The following SMARCA2 variants were observed in gnomAD, a reference collection of about 807,000 sequenced individuals.
SMARCA2 encodes SWI/SNF related BAF chromatin remodeling complex subunit ATPase 2, also known as SWI/SNF-related matrix-associated actin-dependent regulator of chromatin subfamily A member 2.
SMARCA2 carries 61 observed loss-of-function variants against 199.8 expected under a neutral mutation model. The ratio of observed to expected loss-of-function variants is 0.31; its 90% CI spans 0.25 to 0.38. The LOEUF is 0.38. Among genes scored for constraint, SMARCA2 ranks in the 10% least tolerant of loss-of-function variants. SMARCA2 has a pLI of 1.00. For synonymous variants in SMARCA2, 935 were observed against 732.0 expected, an observed-to-expected ratio of 1.28 and a Z score of -4.48; for missense variants, 1,344 against 2,012.2, an observed-to-expected ratio of 0.67 and a Z score of 6.35.
rs1382618968 is a variant in SMARCA2, at chr9:2,192,905, A to G, written c.*166A>G. 1.7e-6 allele frequency: 1 copy of G among 597,134 alleles called. No individual in the cohort carries two copies. Among genetic ancestry groups the G allele is most frequent in the African/African-American group, 1.9e-5 (1 of 53,310 alleles). The allele number at this position is 597,134 out of a possible 1,614,324, so 37.0% of individuals were successfully genotyped here. A position where few individuals can be genotyped will look rare whatever the true frequency, so the allele number is the denominator to read the frequency against. Reference sequence around the variant, plus strand: ...GACAAACATATGATATCATGGTGTAAAAAACACACACATACACAAATATTT... The same window carrying G: ...GACAAACATATGATATCATGGTGTAGAAAACACACACATACACAAATATTT... On this transcript the variant is annotated 3_prime_UTR_variant, in exon 34 of 34. Coordinates refer to ENST00000349721, the MANE Select transcript of SMARCA2 (RefSeq NM_003070.5).
chr9:2,025,563 A>T (rs1271776359), intron 1 of SMARCA2, among the ~76,000 whole-genome samples: 1 of 151,928 alleles, frequency 6.6e-6, no homozygotes, highest in Non-Finnish European at 1.5e-5. Context: ...TGTCGTCACC[A>T]CCCTATCTCT....
At chr9:2,157,233 G>T (rs1341272836) in intron 27 of SMARCA2, among the ~76,000 whole-genome samples, 1 of 152,184 alleles carries the variant, frequency 6.6e-6, no homozygotes, top group Non-Finnish European at 1.5e-5. Context: ...TGCTTTTCTT[G>T]TTTGGGGGAT....
intron 27 of SMARCA2, chr9:2,159,944 C>G (rs1055481169): frequency 1.0e-5 from 16 of 1,588,150 alleles, no homozygotes; most frequent in Non-Finnish European, 1.4e-5. Context: ...CTTGAAGATT[C>G]AGTAGAACTA....
At chr9:2,183,930 T>C (rs1182031257) in intron 31 of SMARCA2, among the ~76,000 whole-genome samples, 1 of 152,220 alleles carries the variant, frequency 6.6e-6, no homozygotes, top group Non-Finnish European at 1.5e-5. Context: ...ACAACCTTCC[T>C]ATCTGTTTTC....
intron 26 of SMARCA2, among the ~76,000 whole-genome samples, chr9:2,122,650 G>A (rs995309798): frequency 7.2e-5 from 11 of 152,102 alleles, no homozygotes; most frequent in African/African-American, 2.7e-4. Context: ...AGGTTCTAGA[G>A]GTCATATTTG....
At chr9:2,178,507 A>G (rs1307772706) in intron 29 of SMARCA2, among the ~76,000 whole-genome samples, 1 of 152,170 alleles carries the variant, frequency 6.6e-6, no homozygotes, top group Non-Finnish European at 1.5e-5. Flanking sequence ...CAGAAACAGA[A>G]CACCTTCTGT....
chr9:2,018,128 A>G (rs1246908723), intron 1 of SMARCA2: 1 of 152,270 alleles, frequency 6.6e-6, no homozygotes, highest in East Asian at 1.9e-4. Context: ...CAGCAATAAA[A>G]TAAATATTCA....
chr9:2,068,769 C>G (rs926063445), intron 9 of SMARCA2, among the ~76,000 whole-genome samples: 1 of 151,500 alleles, frequency 6.6e-6, no homozygotes, highest in African/African-American at 2.4e-5. Context: ...GTATAGCTTT[C>G]CAGCAGTAAC....
chr9:2,155,457 A>G (rs1243115575), intron 27 of SMARCA2, among the ~76,000 whole-genome samples: 2 of 151,918 alleles, frequency 1.3e-5, no homozygotes, highest in African/African-American at 4.8e-5. Flanking sequence ...TAATGTTTGT[A>G]TTTTTAGTAG....
chr9:2,029,335 T>G, intron 2 of SMARCA2, 88 bp downstream of exon 2: 1 of 1,515,694 alleles, frequency 6.6e-7, no homozygotes, highest in Non-Finnish European at 8.9e-7. Flanking sequence ...TCTACTGTTG[T>G]TAACAAGAAA....
chr9:2,072,582 T>C (rs1821137407), intron 10 of SMARCA2, among the ~76,000 whole-genome samples: 1 of 152,250 alleles, frequency 6.6e-6, no homozygotes, highest in Admixed American at 6.5e-5. Flanking sequence ...ACATAAGTTA[T>C]AATACCTTTT....
chr9:2,111,063 T>C (rs1036575297), intron 24 of SMARCA2, among the ~76,000 whole-genome samples: 1 of 144,382 alleles, frequency 6.9e-6, no homozygotes, highest in African/African-American at 2.6e-5. Context: ...TTTTTTTAAA[T>C]TGAGCGGGTC....
chr9:2,117,622 C>G (rs1300096745), intron 25 of SMARCA2, among the ~76,000 whole-genome samples: 1 of 152,146 alleles, frequency 6.6e-6, no homozygotes, highest in Admixed American at 6.5e-5. Context: ...TTTGTGTAGG[C>G]CTTGTGAAAA....
At chr9:2,069,609 A>G (rs1821004240) in intron 9 of SMARCA2, among the ~76,000 whole-genome samples, 1 of 152,154 alleles carries the variant, frequency 6.6e-6, no homozygotes, top group African/African-American at 2.4e-5. Context: ...TCAGATAACA[A>G]TATCTGCATA....
At chr9:2,088,731 C>T (rs1358657483) in intron 19 of SMARCA2, 118 bp downstream of exon 19, 2 of 717,586 alleles carry the variant, frequency 2.8e-6, no homozygotes, top group Non-Finnish European at 4.8e-6. Context: ...TTAATAGTAT[C>T]TTGAAAATAT....
At chr9:2,031,467 T>A (rs1270828950) in intron 2 of SMARCA2, among the ~76,000 whole-genome samples, 2 of 152,206 alleles carry the variant, frequency 1.3e-5, no homozygotes, top group Non-Finnish European at 2.9e-5. Context: ...AAATGAAAGA[T>A]AAAATGTGAG....
chr9:2,019,472 C>T (rs1171885190), intron 1 of SMARCA2, among the ~76,000 whole-genome samples: 1 of 148,550 alleles, frequency 6.7e-6, no homozygotes, highest in Non-Finnish European at 1.5e-5. Flanking sequence ...AGTGCTTTGA[C>T]CAACACCTGA....
chr9:2,124,631 C>T (rs138673111), intron 27 of SMARCA2, among the ~76,000 whole-genome samples: 9 of 152,246 alleles, frequency 5.9e-5, no homozygotes, highest in Non-Finnish European at 8.8e-5. Context: ...GCCTGGGACT[C>T]GGGTCACCGA....
intron 9 of SMARCA2, among the ~76,000 whole-genome samples, chr9:2,069,528 CA>C (rs1245705277): frequency 2.7e-5 from 4 of 150,026 alleles, no homozygotes; most frequent in Non-Finnish European, 3.0e-5. Context: ...CACCGCACTC[CA>C]GCCTGGGCGA....
Sources: allele counts gnomAD v4.1 joint callset (sites outside exome capture counted in the v4.1 genomes callset), GRCh38; gene constraint gnomAD v4.1.1; transcripts MANE v1.5; gene names NCBI Gene and HGNC (gene_info 2026-07-23, HGNC 2026-07-21).